Variants in CNTNAP2 observed in about 807,000 individuals in gnomAD.
CNTNAP2 encodes contactin-associated protein-like 2.
Under a neutral mutation model 155.2 loss-of-function variants are expected in CNTNAP2, and 98 were observed. The ratio of observed to expected loss-of-function variants is 0.63; its 90% confidence interval spans 0.54 to 0.75. The LOEUF is 0.75. Ranked by LOEUF, CNTNAP2 falls within the 30% of genes least tolerant of loss-of-function variation. CNTNAP2 has a pLI of 0.00. For missense variants in CNTNAP2, 1,727 were observed against 1,688.1 expected (o/e 1.02, Z -0.40); for synonymous variants, 651 against 631.2 (o/e 1.03, Z -0.47).
intron 14 of CNTNAP2, among the ~76,000 whole-genome samples, chr7:147,929,642 T>A (rs1800462424): frequency 6.6e-6 from 1 of 152,228 alleles, no homozygotes; most frequent in Non-Finnish European, 1.5e-5. Flanking sequence ...TATTAAATTT[T>A]ATAAATATCC....
intron 21 of CNTNAP2, among the ~76,000 whole-genome samples, chr7:148,316,677 T>C (rs1057026619): frequency 1.3e-5 from 2 of 152,098 alleles, no homozygotes; most frequent in Non-Finnish European, 2.9e-5. Flanking sequence ...GAAGTAAAAA[T>C]ATCAATCACA....
In CNTNAP2 at chr7:146,245,660, C is replaced by T. The variant is rs571551195; in HGVS notation, c.97+128687C>T. ...TCGGATACGATCAGCAAGGAAAGCA[C>T]GTGTGTTTTTATGAGAATTATGCCG... On this transcript the variant is annotated intron_variant, in intron 1 of 23. Transcript: ENST00000361727. 1.6e-4 allele frequency among the ~76,000 whole-genome samples: 24 copies of T among 152,088 alleles called. 1 individual carries two copies. Among genetic ancestry groups the T allele is most frequent in the Admixed American group, 5.9e-4 (9 of 15,286 alleles).
intron 1 of CNTNAP2, among the ~76,000 whole-genome samples, chr7:146,263,574 G>A (rs10263818): frequency 0.13 from 20,413 of 152,030 alleles, 3,679 homozygotes; most frequent in African/African-American, 0.41. Context: ...GTAAAGGCCT[G>A]TCCGATTAAC....
intron 15 of CNTNAP2, among the ~76,000 whole-genome samples, chr7:148,072,534 C>A (rs1803400106): frequency 6.6e-6 from 1 of 152,090 alleles, no homozygotes; most frequent in Non-Finnish European, 1.5e-5. Flanking sequence ...CTTCTTTAAC[C>A]TTTTAAAAAG....
At chr7:148,015,285 G>A (rs1178171317) in intron 15 of CNTNAP2, among the ~76,000 whole-genome samples, 1 of 152,136 alleles carries the variant, frequency 6.6e-6, no homozygotes, top group Non-Finnish European at 1.5e-5. Context: ...TAGTGAATCA[G>A]ATGTGTAAGG....
intron 1 of CNTNAP2, among the ~76,000 whole-genome samples, chr7:146,146,578 A>G (rs1429526042): frequency 6.6e-6 from 1 of 152,168 alleles, no homozygotes; most frequent in African/African-American, 2.4e-5. Context: ...ATTTTAGCAT[A>G]TGCGTTTGTC....
chr7:146,416,810 CTT>C (rs1795944300), intron 1 of CNTNAP2, among the ~76,000 whole-genome samples: 1 of 152,048 alleles, frequency 6.6e-6, no homozygotes, highest in African/African-American at 2.4e-5. Context: ...TCATTTACCA[CTT>C]ATATTTGGTG....
intron 3 of CNTNAP2, among the ~76,000 whole-genome samples, chr7:146,906,270 C>G (rs903595897): frequency 2.0e-5 from 3 of 152,224 alleles, no homozygotes; most frequent in African/African-American, 7.2e-5. Context: ...AACAAAGCAG[C>G]CAGGAAGCTG....
chr7:147,587,204 A>C (rs1800646119), intron 12 of CNTNAP2, among the ~76,000 whole-genome samples: 1 of 152,214 alleles, frequency 6.6e-6, no homozygotes, highest in Admixed American at 6.5e-5. Flanking sequence ...CAGGGTCAGC[A>C]CTTGTGAATT....
At chr7:146,965,046 T>C (rs772705472) in intron 3 of CNTNAP2, among the ~76,000 whole-genome samples, 2 of 152,182 alleles carry the variant, frequency 1.3e-5, no homozygotes, top group African/African-American at 4.8e-5. Flanking sequence ...AGCTTATGCA[T>C]AAATACTTAA....
chr7:147,311,309 A>G (rs945380930), intron 9 of CNTNAP2, among the ~76,000 whole-genome samples: 6 of 152,146 alleles, frequency 3.9e-5, no homozygotes, highest in African/African-American at 1.4e-4. Context: ...TTCTAAAGGA[A>G]AAAGAGGTTA....
intron 1 of CNTNAP2, among the ~76,000 whole-genome samples, chr7:146,207,422 A>G (rs1413554538): frequency 6.6e-6 from 1 of 152,018 alleles, no homozygotes; most frequent in Non-Finnish European, 1.5e-5. Context: ...CATCATACAA[A>G]TAATATCTTG....
At chr7:146,582,854 G>A in intron 1 of CNTNAP2, among the ~76,000 whole-genome samples, 1 of 150,112 alleles carries the variant, frequency 6.7e-6, no homozygotes. Context: ...CAGCTCGTTA[G>A]TATCCTCACT....
At chr7:147,568,153 T>C (rs1399995779) in intron 12 of CNTNAP2, among the ~76,000 whole-genome samples, 1 of 152,008 alleles carries the variant, frequency 6.6e-6, no homozygotes, top group East Asian at 1.9e-4. Flanking sequence ...GTTCAGTAAT[T>C]GGAATAAGTT....
At chr7:147,403,232 A>G (rs565485751) in intron 10 of CNTNAP2, among the ~76,000 whole-genome samples, 1 of 152,094 alleles carries the variant, frequency 6.6e-6, no homozygotes, top group Non-Finnish European at 1.5e-5. Context: ...TCTACCTATC[A>G]CCTGGGAGCC....
chr7:147,476,384 T>C (rs1376138623), intron 10 of CNTNAP2, among the ~76,000 whole-genome samples: 5 of 151,652 alleles, frequency 3.3e-5, no homozygotes, highest in East Asian at 3.9e-4. Context: ...GGATTACAGG[T>C]GTGAGCCACC....
In CNTNAP2 at chr7:148,217,370, C is replaced by A; in HGVS notation, c.3093C>A (p.Ser1031Arg). The change falls in exon 19 of 24, where the codon AGC becomes AGA. Residue 1031 changes from serine (S) to arginine (R), a missense_variant. Physicochemically the swap from Ser to Arg is moderately radical, Grantham distance 110. Transcript: ENST00000361727. ...APATNARDSSSRVDNAPDQQN... is the reference protein window; with the variant it reads ...APATNARDSSRRVDNAPDQQN... Reference sequence around the variant, plus strand: ...CAACAAATGCCAGAGACTCCAGCAGCAGAGTAGACAACGCTCCCGACCAGC... The same window carrying A: ...CAACAAATGCCAGAGACTCCAGCAGAAGAGTAGACAACGCTCCCGACCAGC... The A allele has an allele frequency of 6.2e-7, 1 of 1,614,160 alleles. No homozygotes were observed. Among genetic ancestry groups the A allele is most frequent in the Non-Finnish European group, 8.5e-7 (1 of 1,180,020 alleles).
intron 13 of CNTNAP2, among the ~76,000 whole-genome samples, chr7:147,762,631 T>G (rs1402872594): frequency 6.6e-5 from 10 of 150,518 alleles, no homozygotes. Flanking sequence ...CTGTGCTCAG[T>G]AATTAACTAC....
rs565431594 is a variant in CNTNAP2 at position 146,659,026 on chromosome 7, G to A, written c.98-115245G>A. Among the ~76,000 whole-genome samples the A allele has an allele frequency of 7.2e-5, 11 of 152,316 alleles. No individual in the cohort carries two copies. In the South Asian group the frequency reaches 1.0e-3, roughly 14 times the overall value. On this transcript the variant is annotated intron_variant, in intron 1 of 23. Transcript: ENST00000361727. The stretch of plus-strand genomic sequence containing the variant: ...AGCCACTAAGGCTGCAGGACCTCCT[G>A]CTACTGACCGTGGGTACTTCTGGTG...
Sources: gnomAD v4.1 joint callset for allele counts (sites outside exome capture counted in the v4.1 genomes callset) on GRCh38, gnomAD v4.1.1 for gene constraint, MANE v1.5 for transcripts, NCBI Gene and HGNC (gene_info 2026-07-23, HGNC 2026-07-21) for gene names.